DAB1: variants seen among roughly 807,000 people sequenced by gnomAD.
DAB1 encodes the protein DAB adaptor protein 1, also known as disabled homolog 1.
A neutral mutation model predicts 64.6 loss-of-function variants in DAB1; 15 were observed. The ratio of observed to expected loss-of-function variants is 0.23; its 90% CI spans 0.16 to 0.36. The LOEUF is 0.36. Among genes scored for constraint, DAB1 ranks in the 10% least tolerant of loss-of-function variants. The pLI, the probability that DAB1 is intolerant of heterozygous loss-of-function variation, is 1.00. For missense variants in DAB1, 596 were observed against 706.7 expected (o/e 0.84, Z 1.78); for synonymous variants, 235 against 251.9 (o/e 0.93, Z 0.64).
At chr1:57,784,543 G>C (rs1650254372) in intron 6 of DAB1, among the ~76,000 whole-genome samples, 1 of 152,186 alleles carries the variant, frequency 6.6e-6, no homozygotes, top group Non-Finnish European at 1.5e-5. Flanking sequence ...TTATTGCTGA[G>C]ATGGAGAAAG....
intron 4 of DAB1, among the ~76,000 whole-genome samples, chr1:58,304,417 A>G (rs1236853277): frequency 2.6e-5 from 4 of 152,210 alleles, no homozygotes; most frequent in Non-Finnish European, 5.9e-5. Flanking sequence ...AATGAGCTAC[A>G]GTATATACAC....
chr1:58,201,718 C>A (rs1044787850), intron 4 of DAB1, among the ~76,000 whole-genome samples: 2 of 152,202 alleles, frequency 1.3e-5, no homozygotes, highest in African/African-American at 4.8e-5. Context: ...GAACTGATAT[C>A]CGATCTCCTG....
chr1:57,507,327 C>T (rs977428475), intron 7 of DAB1, among the ~76,000 whole-genome samples: 1 of 152,200 alleles, frequency 6.6e-6, no homozygotes, highest in Middle Eastern at 3.2e-3. Flanking sequence ...ATTCACTCCT[C>T]TCTCTTTGCC....
Position 58,229,059 on chromosome 1 carries a change from C to T in DAB1, n.310-78471G>A. The T allele has an allele frequency of 7.2e-6, 2 of 279,052 alleles. 1 individual carries two copies. Among genetic ancestry groups the T allele is most frequent in the South Asian group, 9.5e-5 (2 of 21,092 alleles). 17.3% of individuals were successfully genotyped at this position (279,052 alleles called of 1,614,324 possible). A position where few individuals can be genotyped will look rare whatever the true frequency, so the allele number is the denominator to read the frequency against. ...ATAACTCACTGCAACCTTGAACTCC[C>T]AGGCTCAATTGATCCTCCTGCCTCA... On this transcript the variant is annotated intron_variant and non_coding_transcript_variant, in intron 4 of 20. Transcript: ENST00000485760.
chr1:57,341,638 C>T lies in DAB1; in HGVS notation c.-136-50472G>A, dbSNP rs71642112. The stretch of plus-strand genomic sequence containing the variant: ...AGAGAAAACTCTTTTGATTTTTTTT[C>T]TCTTTCTTTTTTTGAGCTGTTAGAC... On this transcript the variant is annotated intron_variant, in intron 1 of 14. Coordinates refer to ENST00000371236, the MANE Select transcript of DAB1 (RefSeq NM_001365792.1). Among the ~76,000 whole-genome samples the T allele has an allele frequency of 1.8e-3, 281 of 152,046 alleles. 1 individual carries two copies. The highest frequency in any genetic ancestry group is 3.4e-3 in the Non-Finnish European group (234 of 67,950).
chr1:57,402,938 C>A (rs1031844795), intron 1 of DAB1, among the ~76,000 whole-genome samples: 1 of 152,158 alleles, frequency 6.6e-6, no homozygotes, highest in Non-Finnish European at 1.5e-5. Context: ...TCACCCCCAA[C>A]CCCTGCCCAA....
chr1:58,385,953 T>G (rs1773067), intron 3 of DAB1, among the ~76,000 whole-genome samples: 6,640 of 152,256 alleles, frequency 0.044, 488 homozygotes, highest in African/African-American at 0.15. Flanking sequence ...GAGGAAAGAC[T>G]CTACGGAACA....
At chr1:57,717,235 A>G (rs997024782) in intron 6 of DAB1, among the ~76,000 whole-genome samples, 1 of 151,952 alleles carries the variant, frequency 6.6e-6, no homozygotes, top group African/African-American at 2.4e-5. Flanking sequence ...AGACTGTCTC[A>G]AAAATTTAAA....
At chr1:57,502,987 G>A (rs1362601666) in intron 7 of DAB1, among the ~76,000 whole-genome samples, 2 of 152,134 alleles carry the variant, frequency 1.3e-5, no homozygotes. Flanking sequence ...CCAGAGGTAG[G>A]TACTAGTATC....
chr1:58,037,877 T>C (rs917880909), intron 5 of DAB1, among the ~76,000 whole-genome samples: 12 of 152,162 alleles, frequency 7.9e-5, no homozygotes, highest in South Asian at 4.1e-4. Context: ...AGGGTCAGCT[T>C]CCAGGAAATC....
rs148744814 is a variant in DAB1 at position 57,710,241 on chromosome 1, G to T, written n.552-60576C>A. Among the ~76,000 whole-genome samples, 610 of 152,182 alleles carry T rather than the reference G, an allele frequency of 4.0e-3. 3 individuals carry two copies. Among genetic ancestry groups the T allele is most frequent in the Middle Eastern group, 0.01 (3 of 294 alleles). ...CATTTCTCTGTGGACATCCTGTGAAGCCTCGGTTGAAGGTGTATACCTCCA... is the reference window on the plus strand; with the variant it reads ...CATTTCTCTGTGGACATCCTGTGAATCCTCGGTTGAAGGTGTATACCTCCA... On this transcript the variant is annotated intron_variant and non_coding_transcript_variant, in intron 6 of 20. Coordinates refer to the DAB1 transcript ENST00000485760.
intron 1 of DAB1, among the ~76,000 whole-genome samples, chr1:57,341,713 T>A (rs1677601872): frequency 6.6e-6 from 1 of 152,206 alleles, no homozygotes; most frequent in African/African-American, 2.4e-5. Context: ...TCTGCTGTAT[T>A]CACAGCATTT....
At chr1:57,086,289 G>A (rs1653065344) in intron 4 of DAB1, among the ~76,000 whole-genome samples, 1 of 152,086 alleles carries the variant, frequency 6.6e-6, no homozygotes, top group Non-Finnish European at 1.5e-5. Context: ...GTCGATGGAA[G>A]CCATATCCTA....
Position 57,072,328 on chromosome 1 carries a change from C to G in DAB1, c.393G>C (p.Gly131=). Residue 131 remains glycine, a synonymous_variant, in exon 5 of 15, where the codon GGG becomes GGC. Coordinates refer to ENST00000371236, the MANE Select transcript of DAB1 (RefSeq NM_001365792.1). ...CCACAAATCTGTGATTCCCTTCCTT[C>G]CCACAAACATATCCAAAGGCCCGGT... ...TDHRAFGYVC[G]KEGNHRFVAI... 1 of 1,613,918 alleles carries G rather than the reference C, an allele frequency of 6.2e-7. No homozygotes were observed. Among genetic ancestry groups the G allele is most frequent in the Non-Finnish European group, 8.5e-7 (1 of 1,179,852 alleles).
intron 4 of DAB1, among the ~76,000 whole-genome samples, chr1:58,285,293 G>C (rs907608201): frequency 2.6e-5 from 4 of 152,208 alleles, no homozygotes; most frequent in African/African-American, 4.8e-5. Context: ...AGTATTGGAA[G>C]TTCTGGCCAG....
intron 5 of DAB1, among the ~76,000 whole-genome samples, chr1:57,908,203 C>A (rs1474741917): frequency 6.6e-6 from 1 of 152,066 alleles, no homozygotes; most frequent in African/African-American, 2.4e-5. Flanking sequence ...AGCCCAGGGC[C>A]CAGGTCCCCA....
chr1:57,875,137 C>T (rs1644021597), intron 1 of DAB1: 1 of 152,130 alleles, frequency 6.6e-6, no homozygotes, highest in African/African-American at 2.4e-5. Flanking sequence ...TGTGGTTATG[C>T]CTGCTCTCTG....
At chr1:58,136,408 C>T (rs72906594) in intron 5 of DAB1, among the ~76,000 whole-genome samples, 2,395 of 152,248 alleles carry the variant, frequency 0.016, 56 homozygotes, top group African/African-American at 0.054. Context: ...TGTCCACAGC[C>T]TATCAGAACC....
At chr1:57,215,020 G>GT (rs1666323451) in intron 2 of DAB1, among the ~76,000 whole-genome samples, 1 of 151,398 alleles carries the variant, frequency 6.6e-6, no homozygotes, top group Non-Finnish European at 1.5e-5. Flanking sequence ...GGAGAGAAAT[G>GT]TAAGATTCCA....
Sources: gnomAD v4.1 joint callset for allele counts (sites outside exome capture counted in the v4.1 genomes callset) on GRCh38, gnomAD v4.1.1 for gene constraint, MANE v1.5 for transcripts, NCBI Gene and HGNC (gene_info 2026-07-23, HGNC 2026-07-21) for gene names.